The following ROMO1 variants were observed in gnomAD, a reference collection of about 807,000 sequenced individuals.
ROMO1 encodes PCM19.
Under a neutral mutation model 7.4 loss-of-function variants are expected in ROMO1, and 8 were observed. The ratio of observed to expected loss-of-function variants is 1.08; its 90% CI spans 0.63 to 1.95. The LOEUF is 1.95. Ranked by LOEUF, ROMO1 falls within the 30% of genes most tolerant of loss-of-function variation. ROMO1 has a pLI of 0.00. For missense variants in ROMO1, 91 were observed against 115.9 expected (o/e 0.79, Z 0.99); for synonymous variants, 43 against 41.4 (o/e 1.04, Z -0.15).
chr20:35,699,880 C>A lies in ROMO1; in HGVS notation c.131+117C>A. ...TTCGACTTCCCTCTCTGTCCCCTCG[C>A]GAGCCAGACTCATTCCAAACCACCT... On this transcript the variant is annotated intron_variant, in intron 2 of 2. Transcript: ENST00000374077. This position sits in a 1 kb window ranked among gnomAD's most constrained non-coding sequence, Gnocchi z 4.4. The A allele has an allele frequency of 7.5e-7, 1 of 1,336,068 alleles. No individual in the cohort carries two copies. The highest frequency in any genetic ancestry group is 1.0e-6 in the Non-Finnish European group (1 of 990,006). 82.8% of individuals were successfully genotyped at this position (1,336,068 alleles called of 1,614,324 possible).
In ROMO1 at chr20:35,699,580, C is replaced by T. The variant is rs2035214161; in HGVS notation, c.1-53C>T. ...CACTTCCCAGCCTACCGCTTCCGTC[C>T]CCGCCCGACTCTTGGGCCAGCGCCT... is the stretch of plus-strand genomic sequence containing the variant. On this transcript the variant is annotated intron_variant, in intron 1 of 2. Coordinates refer to ENST00000374077, the MANE Select transcript of ROMO1 (RefSeq NM_080748.3). The surrounding 1 kb of genome is among the most constrained non-coding windows in gnomAD (Gnocchi z 4.4). 6.2e-7 allele frequency: 1 copy of T among 1,603,810 alleles called. No individual in the cohort carries two copies. Among genetic ancestry groups the T allele is most frequent in the East Asian group, 2.2e-5 (1 of 44,762 alleles).
chr20:35,700,626 G>T, intron 2 of ROMO1, 172 bp from the exon 3 acceptor site: 1 of 630,312 alleles, frequency 1.6e-6, no homozygotes, highest in South Asian at 1.9e-5. Context: ...GACCCAGATG[G>T]ATCTTTTTCC....
rs148571469 is a variant in ROMO1, at chr20:35,700,949, C to T, written c.*43C>T. 318 of 1,346,992 alleles carry T rather than the reference C, an allele frequency of 2.4e-4. 2 individuals carry two copies. The East Asian group carries it at 6.5e-3, about 28-fold the overall frequency. 83.4% of individuals were successfully genotyped at this position (1,346,992 alleles called of 1,614,324 possible). On this transcript the variant is annotated 3_prime_UTR_variant, in exon 3 of 3. Coordinates refer to ENST00000374077, the MANE Select transcript of ROMO1 (RefSeq NM_080748.3). ...ATCTGTCCCTTCCCATCAATCCCAG[C>T]CCATGTACTAATAAAAGAAAGTCTT... is the stretch of plus-strand genomic sequence containing the variant.
rs913464351 is a variant in ROMO1, at chr20:35,699,856, T to C, written c.131+93T>C. The C allele has an allele frequency of 2.1e-6, 3 of 1,456,520 alleles. No individual in the cohort carries two copies. In the African/African-American group the frequency reaches 4.3e-5, roughly 21 times the overall value. 90.2% of individuals were successfully genotyped at this position (1,456,520 alleles called of 1,614,324 possible). On this transcript the variant is annotated intron_variant, in intron 2 of 2. Transcript: ENST00000374077. This position sits in a 1 kb window ranked among gnomAD's most constrained non-coding sequence, Gnocchi z 4.4. ...GGAGCCTGAACACAGCCTCCTTCTT[T>C]CGACTTCCCTCTCTGTCCCCTCGCG...
chr20:35,700,962 A>C lies in ROMO1; in HGVS notation c.*56A>C. ...CATCAATCCCAGCCCATGTACTAAT[A>C]AAAGAAAGTCTTTGAGTAGTCAGTG... On this transcript the variant is annotated 3_prime_UTR_variant, in exon 3 of 3. Transcript: ENST00000374077. 7.9e-7 allele frequency: 1 copy of C among 1,263,180 alleles called. No homozygotes were observed. The highest frequency in any genetic ancestry group is 1.2e-6 in the Non-Finnish European group (1 of 860,122). 78.2% of individuals were successfully genotyped at this position (1,263,180 alleles called of 1,614,324 possible).
chr20:35,700,614 G>A (rs17092974), intron 2 of ROMO1, among the ~76,000 whole-genome samples, 184 bp from the exon 3 acceptor site: 3,178 of 152,232 alleles, frequency 0.021, 111 homozygotes, highest in African/African-American at 0.073. Flanking sequence ...AAATACCCTG[G>A]AGACCCAGAT....
Position 35,699,835 on chromosome 20 carries a change from C to A in ROMO1, c.131+72C>A. The A allele has an allele frequency of 6.6e-7, 1 of 1,515,196 alleles. No individual in the cohort carries two copies. Among genetic ancestry groups the A allele is most frequent in the Admixed American group, 2.0e-5 (1 of 50,236 alleles). 93.9% of individuals were successfully genotyped at this position (1,515,196 alleles called of 1,614,324 possible). A position where few individuals can be genotyped will look rare whatever the true frequency, so the allele number is the denominator to read the frequency against. ...CGGCCCTGCCCCATTCGGCCTGGAG[C>A]CTGAACACAGCCTCCTTCTTTCGAC... On this transcript the variant is annotated intron_variant, in intron 2 of 2. Coordinates refer to ENST00000374077, the MANE Select transcript of ROMO1 (RefSeq NM_080748.3). The surrounding 1 kb of genome is among the most constrained non-coding windows in gnomAD (Gnocchi z 4.4).
In ROMO1 at chr20:35,699,587, G is replaced by T. The variant is rs1483552790; in HGVS notation, c.1-46G>T. 6.2e-7 allele frequency: 1 copy of T among 1,605,876 alleles called. No individual in the cohort carries two copies. The highest frequency in any genetic ancestry group is 8.5e-7 in the Non-Finnish European group (1 of 1,179,408). ...CAGCCTACCGCTTCCGTCCCCGCCC[G>T]ACTCTTGGGCCAGCGCCTGGGCCCA... On this transcript the variant is annotated intron_variant, in intron 1 of 2. Coordinates refer to ENST00000374077, the MANE Select transcript of ROMO1 (RefSeq NM_080748.3). This position sits in a 1 kb window ranked among gnomAD's most constrained non-coding sequence, Gnocchi z 4.4.
Position 35,700,928 on chromosome 20 carries a change from GTCCCT to G in ROMO1, c.*27_*31del. On this transcript the variant is annotated 3_prime_UTR_variant, in exon 3 of 3. Transcript: ENST00000374077. ...CTAACCATGGTTGCCAACTACATCTGTCCCTTCCCATCAATCCCAGCCCATGTACT... is the reference window on the plus strand; with the variant it reads ...CTAACCATGGTTGCCAACTACATCTGTCCCATCAATCCCAGCCCATGTACT... The G allele has an allele frequency of 6.5e-7, 1 of 1,536,516 alleles. No individual in the cohort carries two copies. The highest frequency in any genetic ancestry group is 2.2e-5 in the East Asian group (1 of 44,456).
intron 2 of ROMO1, 57 bp from the exon 3 acceptor site, chr20:35,700,741 T>G (rs753941957): frequency 2.3e-5 from 34 of 1,461,900 alleles, no homozygotes; most frequent in Non-Finnish European, 3.1e-5. Flanking sequence ...AAGGAGCAGT[T>G]AATACTCTTT....
At chr20:35,700,401 C>A (rs139192290) in intron 2 of ROMO1, among the ~76,000 whole-genome samples, 91 of 152,276 alleles carry the variant, frequency 6.0e-4, no homozygotes, top group African/African-American at 2.0e-3. Context: ...TTACACTTGA[C>A]ACTATGTGTA....
Position 35,699,743 on chromosome 20 carries a change from C to T in ROMO1, c.111C>T (p.Phe37=). Reference sequence around the variant, plus strand: ...TGGGCATGGCGGCCGGGGCGCTCTTCGGCACCTTTTCCTGTCTCAGGTGAG... The same window carrying T: ...TGGGCATGGCGGCCGGGGCGCTCTTTGGCACCTTTTCCTGTCTCAGGTGAG... The part of the protein sequence containing the change: ...CAVGMAAGAL[F]GTFSCLRIGM... The change falls in exon 2 of 3, where the codon TTC becomes TTT. Residue 37 remains phenylalanine, a synonymous_variant. Coordinates refer to ENST00000374077, the MANE Select transcript of ROMO1 (RefSeq NM_080748.3). The surrounding 1 kb of genome is among the most constrained non-coding windows in gnomAD (Gnocchi z 4.4). 1 of 1,611,304 alleles carries T rather than the reference C, an allele frequency of 6.2e-7. No homozygotes were observed. The highest frequency in any genetic ancestry group is 8.5e-7 in the Non-Finnish European group (1 of 1,179,932).
Position 35,699,424 on chromosome 20 carries a change from G to C in ROMO1, c.-33G>C. ...CCCGTCGTTTTCCGTGAGAGACGTA[G>C]AGCTGAGCGACCCAGCCCGCGAGCG... On this transcript the variant is annotated 5_prime_UTR_variant, in exon 1 of 3. Transcript: ENST00000374077. The surrounding 1 kb of genome is among the most constrained non-coding windows in gnomAD (Gnocchi z 4.4). 5.9e-6 allele frequency: 7 copies of C among 1,189,392 alleles called. No homozygotes were observed. Among genetic ancestry groups the C allele is most frequent in the Non-Finnish European group, 8.0e-6 (7 of 877,514 alleles). 73.7% of individuals were successfully genotyped at this position (1,189,392 alleles called of 1,614,324 possible).
In ROMO1 at chr20:35,700,877, A is replaced by G. The variant is rs758659230; in HGVS notation, c.211A>G (p.Met71Val). 1.2e-6 allele frequency: 2 copies of G among 1,613,988 alleles called. No homozygotes were observed. Among genetic ancestry groups the G allele is most frequent in the East Asian group, 2.2e-5 (1 of 44,886 alleles). ...MQSGGTFGTFMAIGMGIRC is the reference protein window; with the variant it reads ...MQSGGTFGTFVAIGMGIRC ...GAGTGGCGGCACCTTTGGCACATTC[A>G]TGGCCATTGGGATGGGCATCCGATG... The change falls in exon 3 of 3, where the codon ATG (methionine) becomes GTG (valine). Residue 71 changes from methionine to valine, a missense_variant. Physicochemically the swap from Met to Val is conservative, Grantham distance 21. Transcript: ENST00000374077.
In ROMO1 at chr20:35,699,769, G is replaced by A; in HGVS notation, c.131+6G>A. 1 of 1,604,772 alleles carries A rather than the reference G, an allele frequency of 6.2e-7. No homozygotes were observed. The highest frequency in any genetic ancestry group is 1.7e-5 in the Admixed American group (1 of 59,826). The stretch of plus-strand genomic sequence containing the variant: ...GGCACCTTTTCCTGTCTCAGGTGAG[G>A]GGCGCGGGCGGTGATCTCTGGGCAG... On this transcript the variant is annotated splice_donor_region_variant and intron_variant, in intron 2 of 2. Transcript: ENST00000374077. This position sits in a 1 kb window ranked among gnomAD's most constrained non-coding sequence, Gnocchi z 4.4.
At chr20:35,700,746 CTCTT>C (rs754438392) in intron 2 of ROMO1, 48 bp from the exon 3 acceptor site, 115 of 1,497,910 alleles carry the variant, frequency 7.7e-5, no homozygotes, top group Middle Eastern at 3.4e-4. Context: ...GCAGTTAATA[CTCTT>C]TCTGATATTT....
chr20:35,699,460 G>A lies in ROMO1; in HGVS notation c.-1+4G>A. 8.3e-7 allele frequency: 1 copy of A among 1,198,226 alleles called. No homozygotes were observed. 74.2% of individuals were successfully genotyped at this position (1,198,226 alleles called of 1,614,324 possible). On this transcript the variant is annotated splice_donor_region_variant and intron_variant, in intron 1 of 2. Transcript: ENST00000374077. The surrounding 1 kb of genome is among the most constrained non-coding windows in gnomAD (Gnocchi z 4.4). ...CCCAGCCCGCGAGCGAGGTGAGGTA[G>A]GCGCCGGGCGACGCGGGGCCGGAAC...
rs1184512727 is a variant in ROMO1, at chr20:35,699,769, G to T, written c.131+6G>T. The T allele has an allele frequency of 1.2e-6, 2 of 1,604,772 alleles. No homozygotes were observed. Among genetic ancestry groups the T allele is most frequent in the Non-Finnish European group, 1.7e-6 (2 of 1,178,588 alleles). On this transcript the variant is annotated splice_donor_region_variant and intron_variant, in intron 2 of 2. Coordinates refer to ENST00000374077, the MANE Select transcript of ROMO1 (RefSeq NM_080748.3). This position sits in a 1 kb window ranked among gnomAD's most constrained non-coding sequence, Gnocchi z 4.4. The stretch of plus-strand genomic sequence containing the variant: ...GGCACCTTTTCCTGTCTCAGGTGAG[G>T]GGCGCGGGCGGTGATCTCTGGGCAG...
At chr20:35,700,394 C>T (rs1386543478) in intron 2 of ROMO1, among the ~76,000 whole-genome samples, 1 of 152,166 alleles carries the variant, frequency 6.6e-6, no homozygotes, top group Non-Finnish European at 1.5e-5. Context: ...GCCCATTTTA[C>T]ACTTGACACT....
Sources: gnomAD v4.1 joint callset for allele counts (sites outside exome capture counted in the v4.1 genomes callset) on GRCh38, gnomAD v4.1.1 for gene constraint, Gnocchi (gnomAD v3.1) non-coding constraint, MANE v1.5 for transcripts, NCBI Gene and HGNC (gene_info 2026-07-23, HGNC 2026-07-21) for gene names.